HIC2: variants seen among roughly 807,000 people sequenced by gnomAD.
The protein encoded by HIC2 is HIC ZBTB transcriptional repressor 2.
HIC2 carries 2 observed loss-of-function variants against 39.5 expected under a neutral mutation model. That is an observed-to-expected ratio of 0.05 (90% CI 0.02 to 0.16). The LOEUF is 0.16. Among genes scored for constraint, HIC2 ranks in the 10% least tolerant of loss-of-function variants. The pLI is 1.00. For missense variants in HIC2, 713 were observed against 863.5 expected (o/e 0.83, Z 2.18); for synonymous variants, 399 against 368.8 (o/e 1.08, Z -0.94).
intron 2 of HIC2, among the ~76,000 whole-genome samples, chr22:21,443,722 AC>A (rs1423062132): frequency 3.9e-5 from 6 of 151,904 alleles, no homozygotes; most frequent in African/African-American, 1.5e-4. Context: ...CTTCCCCAGC[AC>A]CCTCCTGCTG....
In HIC2 at chr22:21,446,902, C is replaced by T. The variant is rs1446766593; in HGVS notation, c.*159C>T. On this transcript the variant is annotated 3_prime_UTR_variant, in exon 3 of 3. Coordinates refer to ENST00000407464, the MANE Select transcript of HIC2 (RefSeq NM_015094.3). Reference sequence around the variant, plus strand: ...TGCCCACACCCAGAGCTTTAATGGACAGTCCGTACCAAGCAGAGCCGAGAG... The same window carrying T: ...TGCCCACACCCAGAGCTTTAATGGATAGTCCGTACCAAGCAGAGCCGAGAG... The T allele has an allele frequency of 7.0e-6, 7 of 1,005,780 alleles. No homozygotes were observed. Among genetic ancestry groups the T allele is most frequent in the Non-Finnish European group, 9.9e-6 (7 of 708,020 alleles). 62.3% of individuals were successfully genotyped at this position (1,005,780 alleles called of 1,614,324 possible).
rs933568578 is a variant in HIC2 at position 21,450,898 on chromosome 22, T to G, written c.*4155T>G. ...ACTTTCTACCAGGACCCCCTCCCCC[T>G]ACCTCACCTTGCTATTTATTGCTGT... On this transcript the variant is annotated 3_prime_UTR_variant, in exon 3 of 3. Transcript: ENST00000407464. 6.5e-6 allele frequency: 1 copy of G among 152,886 alleles called. No individual in the cohort carries two copies. The highest frequency in any genetic ancestry group is 1.5e-5 in the Non-Finnish European group (1 of 68,046). 9.5% of individuals were successfully genotyped at this position (152,886 alleles called of 1,614,324 possible). A position where few individuals can be genotyped will look rare whatever the true frequency, so the allele number is the denominator to read the frequency against.
intron 1 of HIC2, among the ~76,000 whole-genome samples, chr22:21,425,546 T>TTC (rs1923203401): frequency 5.6e-5 from 3 of 53,724 alleles, no homozygotes; most frequent in Non-Finnish European, 1.7e-4. Context: ...TTTTTTCTTT[T>TTC]TTTTTTTTTT....
Position 21,446,792 on chromosome 22 carries a change from C to T in HIC2, c.*49C>T, listed in dbSNP as rs1167987413. On this transcript the variant is annotated 3_prime_UTR_variant, in exon 3 of 3. Transcript: ENST00000407464. ...TCTGCCACCTTGCTCCCCGGGAACC[C>T]ATGGAAGGAGAAGCGAGGTGATGCA... 6.4e-7 allele frequency: 1 copy of T among 1,559,330 alleles called. No individual in the cohort carries two copies. Among genetic ancestry groups the T allele is most frequent in the Admixed American group, 1.8e-5 (1 of 55,888 alleles).
At position 21,445,568 on chromosome 22, in the gene HIC2, G is replaced by A; in HGVS notation, c.673G>A (p.Ala225Thr). ...GGCTGTCTGCCCAGCTGGCGGGGAG[G>A]CGGGTCTGGGGGGCTGCAGCAGCAG... is the stretch of plus-strand genomic sequence containing the variant. ...GRAVCPAGGE[A>T]GLGGCSSSTN... is the part of the protein sequence containing the mutation. Residue 225 changes from alanine (A) to threonine (T), a missense_variant, in exon 3 of 3, where the codon GCG becomes ACG. Ala to Thr is a moderately conservative substitution (Grantham distance 58). This residue lies in a region of HIC2 where 457 missense variants were observed against 420.2 expected (regional missense o/e 1.09). Coordinates refer to ENST00000407464, the MANE Select transcript of HIC2 (RefSeq NM_015094.3). 6.3e-7 allele frequency: 1 copy of A among 1,593,762 alleles called. No individual in the cohort carries two copies. Among genetic ancestry groups the A allele is most frequent in the Non-Finnish European group, 8.5e-7 (1 of 1,171,944 alleles).
At chr22:21,444,747 C>A (rs906302433) in intron 2 of HIC2, among the ~76,000 whole-genome samples, 175 bp from the exon 3 acceptor site, 1 of 152,236 alleles carries the variant, frequency 6.6e-6, no homozygotes, top group South Asian at 2.1e-4. Flanking sequence ...ACGTGTACTG[C>A]GCCTGCATGT....
At position 21,446,067 on chromosome 22, in the gene HIC2, C is replaced by A; in HGVS notation, c.1172C>A (p.Pro391His). Residue 391 changes from proline (P) to histidine (H), a missense_variant, in exon 3 of 3, where the codon CCC becomes CAC. Pro to His is a moderately conservative substitution (Grantham distance 77, BLOSUM62 -2). Transcript: ENST00000407464. ...GAGPSGPYGE[P>H]PYPCKEEEEN... The stretch of plus-strand genomic sequence containing the variant: ...GGCCCTAGCGGGCCCTATGGGGAGC[C>A]CCCCTACCCCTGCAAGGAGGAGGAG... 2 of 1,606,966 alleles carry A rather than the reference C, an allele frequency of 1.2e-6. No homozygotes were observed. The highest frequency in any genetic ancestry group is 1.7e-6 in the Non-Finnish European group (2 of 1,179,070).
rs1490681874 is a variant in HIC2, at chr22:21,448,081, C to T, written c.*1338C>T. Reference sequence around the variant, plus strand: ...TTTGAGCCTTTGGCCACATCCACCTCGAGGGGACCCTGGCACCCCGGGCAC... The same window carrying T: ...TTTGAGCCTTTGGCCACATCCACCTTGAGGGGACCCTGGCACCCCGGGCAC... On this transcript the variant is annotated 3_prime_UTR_variant, in exon 3 of 3. Coordinates refer to ENST00000407464, the MANE Select transcript of HIC2 (RefSeq NM_015094.3). 6.6e-6 allele frequency: 1 copy of T among 152,600 alleles called. No homozygotes were observed. The highest frequency in any genetic ancestry group is 2.4e-5 in the African/African-American group (1 of 41,424). The allele number at this position is 152,600 out of a possible 1,614,324, so 9.5% of individuals were successfully genotyped here.
At chr22:21,444,062 G>C (rs458361) in intron 2 of HIC2, among the ~76,000 whole-genome samples, 88,964 of 152,114 alleles carry the variant, frequency 0.58, 27,579 homozygotes, top group Non-Finnish European at 0.71. Context: ...CCCATGTCTT[G>C]CTGCTGCATA....
Position 21,449,168 on chromosome 22 carries a change from C to CTT in HIC2, c.*2427_*2428dup, listed in dbSNP as rs904489378. 1.2e-4 allele frequency: 19 copies of CTT among 152,716 alleles called. No individual in the cohort carries two copies. The highest frequency in any genetic ancestry group is 6.5e-4 in the Admixed American group (10 of 15,272). 9.5% of individuals were successfully genotyped at this position (152,716 alleles called of 1,614,324 possible). A position where few individuals can be genotyped will look rare whatever the true frequency, so the allele number is the denominator to read the frequency against. ...CAGAACACTAGTTTCCTATTTAAGA[C>CTT]TTTAAGGGTTTGTGGGGCGGGGCGG... On this transcript the variant is annotated 3_prime_UTR_variant, in exon 3 of 3. Transcript: ENST00000407464.
At position 21,446,870 on chromosome 22, in the gene HIC2, C is replaced by A; in HGVS notation, c.*127C>A. ...TGGAGGCTCCGGGTGGCCCCTCTGG[C>A]CCCCACTGCCCACACCCAGAGCTTT... On this transcript the variant is annotated 3_prime_UTR_variant, in exon 3 of 3. Transcript: ENST00000407464. 8.0e-7 allele frequency: 1 copy of A among 1,255,678 alleles called. No homozygotes were observed. Among genetic ancestry groups the A allele is most frequent in the South Asian group, 1.5e-5 (1 of 64,868 alleles). 77.8% of individuals were successfully genotyped at this position (1,255,678 alleles called of 1,614,324 possible).
In HIC2 at chr22:21,449,114, C is replaced by G. The variant is rs1031978939; in HGVS notation, c.*2371C>G. The G allele has an allele frequency of 6.6e-6, 1 of 152,576 alleles. No homozygotes were observed. Among genetic ancestry groups the G allele is most frequent in the Non-Finnish European group, 1.5e-5 (1 of 68,038 alleles). 9.5% of individuals were successfully genotyped at this position (152,576 alleles called of 1,614,324 possible). On this transcript the variant is annotated 3_prime_UTR_variant, in exon 3 of 3. Coordinates refer to ENST00000407464, the MANE Select transcript of HIC2 (RefSeq NM_015094.3). The stretch of plus-strand genomic sequence containing the variant: ...TATTGTATCCACCTTAGTATTGTAT[C>G]GAGCCTTTTCTGTGTTTTAATGAGA...
At chr22:21,418,086 C>G (rs1160680258) in intron 1 of HIC2, among the ~76,000 whole-genome samples, 3 of 136,908 alleles carry the variant, frequency 2.2e-5, no homozygotes, top group Non-Finnish European at 3.1e-5. Flanking sequence ...AGACTGGCCA[C>G]GGCAGGGGCA....
At position 21,447,044 on chromosome 22, in the gene HIC2, G is replaced by C. The variant is rs537867855; in HGVS notation, c.*301G>C. 2.2e-5 allele frequency: 9 copies of C among 402,564 alleles called. No homozygotes were observed. The South Asian group carries it at 3.8e-4, about 17-fold the overall frequency. 24.9% of individuals were successfully genotyped at this position (402,564 alleles called of 1,614,324 possible). On this transcript the variant is annotated 3_prime_UTR_variant, in exon 3 of 3. Transcript: ENST00000407464. ...GTCACGTGGGTCTCGCTGGGACCTG[G>C]TCCCTTTGTTGCAGGCGGCTTGGAG...
At chr22:21,443,867 C>T (rs964224104) in intron 2 of HIC2, among the ~76,000 whole-genome samples, 1 of 152,148 alleles carries the variant, frequency 6.6e-6, no homozygotes, top group Non-Finnish European at 1.5e-5. Context: ...TTCTTTATAC[C>T]GCCGGCCACA....
rs1240433675 is a variant in HIC2, at chr22:21,450,131, T to C, written c.*3388T>C. 1 of 152,824 alleles carries C rather than the reference T, an allele frequency of 6.5e-6. No homozygotes were observed. Among genetic ancestry groups the C allele is most frequent in the African/African-American group, 2.4e-5 (1 of 41,474 alleles). 9.5% of individuals were successfully genotyped at this position (152,824 alleles called of 1,614,324 possible). A position where few individuals can be genotyped will look rare whatever the true frequency, so the allele number is the denominator to read the frequency against. ...GTTTGTGCAGTGATGAATGTATTTATTTCTCAGACTTGGGGCGAGTGAGCG... is the reference window on the plus strand; with the variant it reads ...GTTTGTGCAGTGATGAATGTATTTACTTCTCAGACTTGGGGCGAGTGAGCG... On this transcript the variant is annotated 3_prime_UTR_variant, in exon 3 of 3. Coordinates refer to ENST00000407464, the MANE Select transcript of HIC2 (RefSeq NM_015094.3).
chr22:21,445,036 C>T lies in HIC2; in HGVS notation c.141C>T (p.Asp47=), dbSNP rs149178459. 5.3e-4 allele frequency: 862 copies of T among 1,614,092 alleles called. 5 individuals are homozygous for T. In the East Asian group the frequency reaches 0.011, roughly 20 times the overall value. Residue 47 remains aspartate (D), a synonymous_variant, in exon 3 of 3, where the codon GAC becomes GAT. Transcript: ENST00000407464. ...AGAGGACCAAGGGCTTCCTGTGTGA[C>T]GTCATCATCATGGTGGAGAACTCCA... The part of the protein sequence containing the change: ...NQQRTKGFLC[D]VIIMVENSIF...
In HIC2 at chr22:21,446,382, C is replaced by T. The variant is rs750537109; in HGVS notation, c.1487C>T (p.Ala496Val). 60 of 1,612,182 alleles carry T rather than the reference C, an allele frequency of 3.7e-5. No homozygotes were observed. The highest frequency in any genetic ancestry group is 1.9e-4 in the African/African-American group (14 of 74,922). Residue 496 changes from alanine to valine, a missense_variant, in exon 3 of 3, where the codon GCG becomes GTG. Coordinates refer to ENST00000407464, the MANE Select transcript of HIC2 (RefSeq NM_015094.3). ...GCCGAGGACCTGTCAGCACCCAGTGCGGCCTACACGGCTGAGCCCCGGCCC... is the reference window on the plus strand; with the variant it reads ...GCCGAGGACCTGTCAGCACCCAGTGTGGCCTACACGGCTGAGCCCCGGCCC... Reference protein sequence around the residue: ...EEAEDLSAPSAAYTAEPRPFK... With the variant: ...EEAEDLSAPSVAYTAEPRPFK...
chr22:21,446,748 C>A lies in HIC2; in HGVS notation c.*5C>A. On this transcript the variant is annotated 3_prime_UTR_variant, in exon 3 of 3. Transcript: ENST00000407464. ...ATGCACACCTCCCCCTCCTAGAAGC[C>A]AAAGACCCGCGGGCGCCCTCTGCCA... 1 of 1,592,698 alleles carries A rather than the reference C, an allele frequency of 6.3e-7. No individual in the cohort carries two copies. Among genetic ancestry groups the A allele is most frequent in the Non-Finnish European group, 8.6e-7 (1 of 1,166,164 alleles).
Sources: gnomAD v4.1 joint callset for allele counts (sites outside exome capture counted in the v4.1 genomes callset) on GRCh38, gnomAD v4.1.1 for gene constraint, gnomAD v4.1.1 regional missense constraint, MANE v1.5 for transcripts, NCBI Gene and HGNC (gene_info 2026-07-23, HGNC 2026-07-21) for gene names.